Variants in ZNF385D observed in about 807,000 individuals in gnomAD.
ZNF385D encodes zinc finger protein 659.
ZNF385D carries 15 observed loss-of-function variants against 35.8 expected under a neutral mutation model. The observed-to-expected ratio is 0.42, with a 90% CI of 0.28 to 0.64. ZNF385D has a LOEUF of 0.64. ZNF385D is among the 30% of genes least tolerant of loss of function. The probability of loss-of-function intolerance (pLI) is 0.23; values close to 1 mark genes in which losing one functional copy is unlikely to be tolerated. For synonymous variants in ZNF385D, 212 were observed against 186.8 expected (o/e 1.13, Z -1.10); for missense variants, 474 against 494.6 (o/e 0.96, Z 0.39).
chr3:21,724,591 A>G (rs953341014), intron 1 of ZNF385D, among the ~76,000 whole-genome samples: 1 of 151,170 alleles, frequency 6.6e-6, no homozygotes, highest in Non-Finnish European at 1.5e-5. Flanking sequence ...CAAAAAGGGC[A>G]TTACATAAGG....
At chr3:22,169,350 G>C (rs1263780014) in intron 2 of ZNF385D, among the ~76,000 whole-genome samples, 1 of 152,106 alleles carries the variant, frequency 6.6e-6, no homozygotes, top group African/African-American at 2.4e-5. Flanking sequence ...CTAAGTTTTA[G>C]AATGATTAAA....
chr3:22,199,549 A>T (rs1696643308), intron 2 of ZNF385D, among the ~76,000 whole-genome samples: 1 of 152,104 alleles, frequency 6.6e-6, no homozygotes, highest in African/African-American at 2.4e-5. Context: ...TTACTGAAAA[A>T]GTCTGTAATG....
At chr3:21,921,732 A>C (rs574615434) in intron 3 of ZNF385D, among the ~76,000 whole-genome samples, 3 of 152,212 alleles carry the variant, frequency 2.0e-5, no homozygotes, top group Admixed American at 2.0e-4. Flanking sequence ...CACAAACTAG[A>C]AAATCTATAG....
intron 3 of ZNF385D, among the ~76,000 whole-genome samples, chr3:21,981,797 C>T (rs1694468319): frequency 6.6e-6 from 1 of 152,154 alleles, no homozygotes; most frequent in African/African-American, 2.4e-5. Flanking sequence ...TCAGTTTTCC[C>T]AGCACCATTT....
At chr3:21,637,284 G>A (rs2065477553) in intron 2 of ZNF385D, among the ~76,000 whole-genome samples, 1 of 152,102 alleles carries the variant, frequency 6.6e-6, no homozygotes, top group African/African-American at 2.4e-5. Context: ...TGTATAAGGT[G>A]AGAGATGAGG....
chr3:21,926,303 G>A (rs1425661178), intron 3 of ZNF385D, among the ~76,000 whole-genome samples: 1 of 151,716 alleles, frequency 6.6e-6, no homozygotes, highest in South Asian at 2.1e-4. Flanking sequence ...TCCCTGACAG[G>A]ACCCAGTGTG....
At chr3:21,538,698 T>G (rs2062097863) in intron 3 of ZNF385D, among the ~76,000 whole-genome samples, 1 of 152,116 alleles carries the variant, frequency 6.6e-6, no homozygotes, top group Non-Finnish European at 1.5e-5. Context: ...GCCAATAGAA[T>G]TATACGGTGT....
At chr3:22,136,606 G>A (rs1404466224) in intron 3 of ZNF385D, among the ~76,000 whole-genome samples, 3 of 152,098 alleles carry the variant, frequency 2.0e-5, no homozygotes, top group Non-Finnish European at 4.4e-5. Flanking sequence ...GAGTTAAACA[G>A]ACATTTGATC....
intron 3 of ZNF385D, among the ~76,000 whole-genome samples, chr3:21,925,204 A>T (rs1011470097): frequency 6.6e-6 from 1 of 152,154 alleles, no homozygotes; most frequent in Non-Finnish European, 1.5e-5. Flanking sequence ...ATAATTTTGA[A>T]AAAGAAAAAG....
At position 21,725,502 on chromosome 3, in the gene ZNF385D, T is replaced by C. The variant is rs138561852; in HGVS notation, c.22+25393A>G. Among the ~76,000 whole-genome samples the C allele has an allele frequency of 1.0e-2, 1,517 of 152,070 alleles. 26 individuals carry two copies. The highest frequency in any genetic ancestry group is 0.035 in the African/African-American group (1,457 of 41,456). On this transcript the variant is annotated intron_variant, in intron 1 of 7. Coordinates refer to ENST00000281523, the MANE Select transcript of ZNF385D (RefSeq NM_024697.3). ...GCAATAAAAAATGATACAGGGGATA[T>C]CACAACTGATCCCAAAGAAATACAA...
At chr3:21,599,312 A>G (rs2064215642) in intron 2 of ZNF385D, among the ~76,000 whole-genome samples, 1 of 152,246 alleles carries the variant, frequency 6.6e-6, no homozygotes, top group Admixed American at 6.5e-5. Flanking sequence ...GGCAAATACC[A>G]AATACTGAAC....
chr3:21,998,469 A>T (rs1695624381), intron 3 of ZNF385D, among the ~76,000 whole-genome samples: 1 of 152,172 alleles, frequency 6.6e-6, no homozygotes, highest in Non-Finnish European at 1.5e-5. Context: ...CATATCTTTC[A>T]ATTATAAATG....
chr3:21,569,391 C>CT (rs1393219380), intron 2 of ZNF385D, among the ~76,000 whole-genome samples: 3 of 149,780 alleles, frequency 2.0e-5, no homozygotes, highest in Non-Finnish European at 4.4e-5. Context: ...CAACCCCTGC[C>CT]TTTTTTTGTT....
chr3:21,826,160 T>C (rs764262018), intron 3 of ZNF385D, among the ~76,000 whole-genome samples: 9 of 152,182 alleles, frequency 5.9e-5, no homozygotes, highest in Admixed American at 2.6e-4. Context: ...TAGTCACCTG[T>C]GCATTTCCAG....
At chr3:22,365,691 T>A (rs972073951) in intron 2 of ZNF385D, among the ~76,000 whole-genome samples, 1 of 152,146 alleles carries the variant, frequency 6.6e-6, no homozygotes, top group Non-Finnish European at 1.5e-5. Flanking sequence ...TCCTCAGCTT[T>A]TTACCATAAA....
intron 3 of ZNF385D, among the ~76,000 whole-genome samples, chr3:21,852,459 G>A (rs1199422879): frequency 6.6e-6 from 1 of 151,834 alleles, no homozygotes; most frequent in Non-Finnish European, 1.5e-5. Flanking sequence ...CTAGACCTGT[G>A]GCTTTATTGA....
At chr3:21,757,136 TTTTG>T (rs1285135017) in intron 3 of ZNF385D, among the ~76,000 whole-genome samples, 7 of 139,880 alleles carry the variant, frequency 5.0e-5, no homozygotes, top group South Asian at 2.3e-4. Context: ...TTTTTTTTTT[TTTTG>T]TTTTCTTGAG....
At chr3:21,781,387 T>C (rs758434784) in intron 3 of ZNF385D, among the ~76,000 whole-genome samples, 1 of 152,018 alleles carries the variant, frequency 6.6e-6, no homozygotes, top group African/African-American at 2.4e-5. Context: ...CCCAAATTCC[T>C]AAAATATTTC....
chr3:21,705,708 T>C (rs1324521974), intron 1 of ZNF385D, among the ~76,000 whole-genome samples: 2 of 152,216 alleles, frequency 1.3e-5, no homozygotes, highest in Non-Finnish European at 2.9e-5. Flanking sequence ...CAAAACCTTC[T>C]CTGTGTTCCA....
Sources: gnomAD v4.1 joint callset for allele counts (sites outside exome capture counted in the v4.1 genomes callset) on GRCh38, gnomAD v4.1.1 for gene constraint, MANE v1.5 for transcripts, NCBI Gene and HGNC (gene_info 2026-07-23, HGNC 2026-07-21) for gene names.